Variants in SRGAP2B observed in about 807,000 individuals in gnomAD.
The protein encoded by SRGAP2B is SLIT-ROBO Rho GTPase-activating protein 2B.
In SRGAP2B, 9 loss-of-function variants were observed where a neutral mutation model predicts 22.2. The ratio of observed to expected loss-of-function variants is 0.41; its 90% CI spans 0.24 to 0.71. The LOEUF is 0.71. SRGAP2B is among the 30% of genes least tolerant of loss of function. The pLI is 0.35. For synonymous variants in SRGAP2B, 36 were observed against 87.4 expected (o/e 0.41, Z 3.28); for missense variants, 114 against 235.8 (o/e 0.48, Z 3.38).
At chr1:145,006,064 C>T (rs1454038155) in intron 2 of SRGAP2B, among the ~76,000 whole-genome samples, 1 of 150,810 alleles carries the variant, frequency 6.6e-6, no homozygotes, top group Non-Finnish European at 1.5e-5. Context: ...GTTGTTGATG[C>T]ACCAGCCTGA....
intron 3 of SRGAP2B, among the ~76,000 whole-genome samples, chr1:144,974,924 G>C (rs1434229188): frequency 6.7e-6 from 1 of 150,058 alleles, no homozygotes; most frequent in Non-Finnish European, 1.5e-5. Flanking sequence ...AAATGCAAAA[G>C]AGGTGATCAG....
At chr1:145,009,650 T>A (rs1235393487) in intron 2 of SRGAP2B, among the ~76,000 whole-genome samples, 1 of 147,706 alleles carries the variant, frequency 6.8e-6, no homozygotes, top group Non-Finnish European at 1.5e-5. Flanking sequence ...GATGGGTACA[T>A]GAGAATCCAT....
chr1:145,076,001 C>T lies in SRGAP2B; in HGVS notation c.67+16834G>A, dbSNP rs587738023. On this transcript the variant is annotated intron_variant, in intron 2 of 9. Transcript: ENST00000612199. ...TACTTGGGAGGAGGCCATATATTATCTCAGTTTATCTATACAACCACCCTG... is the reference window on the plus strand; with the variant it reads ...TACTTGGGAGGAGGCCATATATTATTTCAGTTTATCTATACAACCACCCTG... Among the ~76,000 whole-genome samples, 3 of 150,230 alleles carry T rather than the reference C, an allele frequency of 2.0e-5. No individual in the cohort carries two copies. In the South Asian group the frequency reaches 6.3e-4, roughly 31 times the overall value.
intron 7 of SRGAP2B, among the ~76,000 whole-genome samples, chr1:144,897,588 A>G (rs1195304994): frequency 3.0e-5 from 4 of 132,076 alleles, no homozygotes; most frequent in Non-Finnish European, 4.7e-5. Context: ...GGATAAAATG[A>G]CATTATTTAA....
intron 4 of SRGAP2B, among the ~76,000 whole-genome samples, chr1:144,952,599 T>G (rs1477798920): frequency 6.7e-6 from 1 of 149,740 alleles, no homozygotes; most frequent in Admixed American, 6.6e-5. Context: ...CATCAGGGTC[T>G]CTCTCTGTTG....
chr1:145,030,721 AATAT>A (rs1161032950), intron 2 of SRGAP2B, among the ~76,000 whole-genome samples: 286 of 14,434 alleles, frequency 0.02, 1 homozygote, highest in South Asian at 0.035. Flanking sequence ...AAAAAAAAAA[AATAT>A]ATATATATAT....
chr1:144,924,703 G>A (rs1369686313), intron 4 of SRGAP2B, among the ~76,000 whole-genome samples: 1 of 146,838 alleles, frequency 6.8e-6, no homozygotes, highest in Non-Finnish European at 1.5e-5. Flanking sequence ...CTGCACTCCA[G>A]CCTCGGTGAC....
Position 145,008,883 on chromosome 1 carries a change from A to C in SRGAP2B, c.68-13683T>G, listed in dbSNP as rs1308851991. On this transcript the variant is annotated intron_variant, in intron 2 of 9. Transcript: ENST00000612199. ...CAAAACAAAACACCAAAAAAAAAAAACAGTCCAGCTGGGCGCGGTGGCTCA... is the reference window on the plus strand; with the variant it reads ...CAAAACAAAACACCAAAAAAAAAAACCAGTCCAGCTGGGCGCGGTGGCTCA... 2.9e-4 allele frequency among the ~76,000 whole-genome samples: 44 copies of C among 149,432 alleles called. 1 individual carries two copies. The highest frequency in any genetic ancestry group is 1.3e-4 in the Admixed American group (2 of 15,054).
intron 4 of SRGAP2B, among the ~76,000 whole-genome samples, chr1:144,920,721 T>G (rs1439220584): frequency 3.3e-5 from 5 of 150,144 alleles, no homozygotes; most frequent in Non-Finnish European, 7.4e-5. Context: ...TTTATATTGG[T>G]CATAACTCAC....
At chr1:144,906,127 T>C (rs1203274732) in intron 5 of SRGAP2B, 53 bp from the exon 6 acceptor site, 4 of 711,048 alleles carry the variant, frequency 5.6e-6, no homozygotes, top group Non-Finnish European at 1.0e-5. Context: ...GGGTGTCATT[T>C]CTCTGCTTTA....
intron 4 of SRGAP2B, among the ~76,000 whole-genome samples, chr1:144,940,793 C>A (rs1173150415): frequency 7.4e-6 from 1 of 135,162 alleles, no homozygotes. Context: ...AAAGAAACTC[C>A]ATCTCCAAAA....
chr1:144,944,233 TA>T lies in SRGAP2B; in HGVS notation c.423+11205del, dbSNP rs587720485. ...ATGCAATAAAAGATTAGTAGGCATG[TA>T]AAAAAAAGTCAAGAGGAAAATCAAT... On this transcript the variant is annotated intron_variant, in intron 4 of 9. Transcript: ENST00000612199. Among the ~76,000 whole-genome samples, 6 of 149,970 alleles carry T rather than the reference TA, an allele frequency of 4.0e-5. 1 individual carries two copies. Among genetic ancestry groups the T allele is most frequent in the Middle Eastern group, 6.9e-3 (2 of 288 alleles).
chr1:144,911,820 C>T (rs1442533304), intron 5 of SRGAP2B, among the ~76,000 whole-genome samples: 1 of 145,182 alleles, frequency 6.9e-6, no homozygotes, highest in African/African-American at 2.7e-5. Context: ...GGGTTTTCAC[C>T]GTGTCAGCCA....
chr1:144,941,556 G>A (rs1666054214), intron 4 of SRGAP2B, among the ~76,000 whole-genome samples: 2 of 150,014 alleles, frequency 1.3e-5, no homozygotes, highest in Middle Eastern at 3.4e-3. Flanking sequence ...TAAAAGCAAA[G>A]AAAGGTAGGA....
rs1304682624 is a variant in SRGAP2B at position 144,929,433 on chromosome 1, T to G, written c.424-14679A>C. Reference sequence around the variant, plus strand: ...ATATTTTCTTCTAAGAGTTTTATAGTTTTGGCTCTTGCATTTATGCCTTTG... The same window carrying G: ...ATATTTTCTTCTAAGAGTTTTATAGGTTTGGCTCTTGCATTTATGCCTTTG... On this transcript the variant is annotated intron_variant, in intron 4 of 9. Transcript: ENST00000612199. Among the ~76,000 whole-genome samples, 66 of 150,800 alleles carry G rather than the reference T, an allele frequency of 4.4e-4. 3 individuals are homozygous for G. Among genetic ancestry groups the G allele is most frequent in the African/African-American group, 1.3e-3 (53 of 40,340 alleles).
chr1:144,973,153 A>T (rs1263289948), intron 3 of SRGAP2B, among the ~76,000 whole-genome samples: 1 of 149,520 alleles, frequency 6.7e-6, no homozygotes, highest in Non-Finnish European at 1.5e-5. Context: ...CTCAGAGTAC[A>T]TCACACAAAG....
chr1:144,957,881 A>C (rs1389601564), intron 3 of SRGAP2B, among the ~76,000 whole-genome samples: 1 of 148,134 alleles, frequency 6.8e-6, no homozygotes, highest in African/African-American at 2.6e-5. Flanking sequence ...GGCAGATCTC[A>C]TGAGACTTTA....
chr1:144,975,257 A>G (rs1668810065), intron 3 of SRGAP2B, among the ~76,000 whole-genome samples: 1 of 147,314 alleles, frequency 6.8e-6, no homozygotes, highest in South Asian at 2.1e-4. Context: ...ACCAAATTAT[A>G]TTTCAAACAA....
chr1:145,008,918 T>A (rs1236542205), intron 2 of SRGAP2B, among the ~76,000 whole-genome samples: 1 of 149,014 alleles, frequency 6.7e-6, no homozygotes, highest in Non-Finnish European at 1.5e-5. Context: ...ACGCCTATAA[T>A]CCCAGGACTT....
Sources: gnomAD v4.1 joint callset for allele counts (sites outside exome capture counted in the v4.1 genomes callset) on GRCh38, gnomAD v4.1.1 for gene constraint, MANE v1.5 for transcripts, NCBI Gene and HGNC (gene_info 2026-07-23, HGNC 2026-07-21) for gene names.